ARFGEF3: variants seen among roughly 807,000 people sequenced by gnomAD.
The protein encoded by ARFGEF3 is brefeldin A-inhibited guanine nucleotide-exchange protein 3.
In ARFGEF3, 96 loss-of-function variants were observed where a neutral mutation model predicts 221.7. The observed-to-expected ratio is 0.43, with a 90% confidence interval of 0.37 to 0.51. ARFGEF3 has a LOEUF of 0.51. Ranked by LOEUF, ARFGEF3 falls within the 20% of genes least tolerant of loss-of-function variation. The pLI, the probability that ARFGEF3 is intolerant of heterozygous loss-of-function variation, is 0.00. For missense variants in ARFGEF3, 2,410 were observed against 2,789.9 expected, an observed-to-expected ratio of 0.86 and a Z score of 3.07; for synonymous variants, 1,145 against 1,126.8, an observed-to-expected ratio of 1.02 and a Z score of -0.32.
Position 138,280,114 on chromosome 6 carries a change from A to G in ARFGEF3, c.2411A>G (p.Tyr804Cys), listed in dbSNP as rs1211913328. Reference sequence around the variant, plus strand: ...AGGAACATGCTTGGAGAGGCTGGCTATTGGGGCAGCCCAGAAGATAACAGC... The same window carrying G: ...AGGAACATGCTTGGAGAGGCTGGCTGTTGGGGCAGCCCAGAAGATAACAGC... ...LDRNMLGEAGYWGSPEDNSLP... is the reference protein window; with the variant it reads ...LDRNMLGEAGCWGSPEDNSLP... The change falls in exon 14 of 34, where the codon TAT (tyrosine) becomes TGT (cysteine). Residue 804 changes from tyrosine (Y) to cysteine (C), a missense_variant. Physicochemically the swap from Tyr to Cys is radical, Grantham distance 194 (BLOSUM62 -2). This residue lies in a region of ARFGEF3 where 594 missense variants were observed against 734.3 expected (regional missense o/e 0.81). Transcript: ENST00000251691. 6.2e-7 allele frequency: 1 copy of G among 1,613,856 alleles called. No individual in the cohort carries two copies. The highest frequency in any genetic ancestry group is 2.2e-5 in the East Asian group (1 of 44,884).
rs1053354612 is a variant in ARFGEF3, at chr6:138,336,781, C to T, written c.*295C>T. ...GTATATTTCCCAGTGCTTTTGCTTA[C>T]AGTGTTGTCCCCAAATGGGTCATTT... is the stretch of plus-strand genomic sequence containing the variant. On this transcript the variant is annotated 3_prime_UTR_variant, in exon 34 of 34. Transcript: ENST00000251691. 3.8e-5 allele frequency: 8 copies of T among 211,038 alleles called. No individual in the cohort carries two copies. The highest frequency in any genetic ancestry group is 7.5e-5 in the Non-Finnish European group (8 of 107,336). 13.1% of individuals were successfully genotyped at this position (211,038 alleles called of 1,614,324 possible).
chr6:138,271,240 T>A (rs1204336247), intron 12 of ARFGEF3, among the ~76,000 whole-genome samples: 1 of 152,138 alleles, frequency 6.6e-6, no homozygotes, highest in African/African-American at 2.4e-5. Context: ...TCCTATAGTC[T>A]CAGCACTTTG....
intron 12 of ARFGEF3, among the ~76,000 whole-genome samples, chr6:138,273,622 C>T (rs1455195894): frequency 1.3e-5 from 2 of 152,120 alleles, no homozygotes; most frequent in African/African-American, 2.4e-5. Context: ...GCAAGTAGAG[C>T]GTGGCTAGTG....
At chr6:138,204,501 A>T (rs148432323) in intron 2 of ARFGEF3, among the ~76,000 whole-genome samples, 1 of 152,308 alleles carries the variant, frequency 6.6e-6, no homozygotes, top group Non-Finnish European at 1.5e-5. Flanking sequence ...TTATTAGAAC[A>T]TAGTCACATT....
intron 22 of ARFGEF3, among the ~76,000 whole-genome samples, chr6:138,302,582 A>G (rs190742102): frequency 7.9e-5 from 12 of 152,332 alleles, no homozygotes; most frequent in Non-Finnish European, 1.8e-4. Flanking sequence ...GATATCTACA[A>G]TAGACACGTT....
chr6:138,188,418 T>C (rs1239190583), intron 2 of ARFGEF3, among the ~76,000 whole-genome samples: 1 of 152,204 alleles, frequency 6.6e-6, no homozygotes, highest in African/African-American at 2.4e-5. Flanking sequence ...TGTCTTTTGC[T>C]CTTGAATCAT....
intron 9 of ARFGEF3, among the ~76,000 whole-genome samples, chr6:138,254,435 T>C (rs979933815): frequency 2.7e-5 from 4 of 147,568 alleles, no homozygotes; most frequent in African/African-American, 1.0e-4. Flanking sequence ...AAAAAAAAAT[T>C]AAATAATAAT....
At chr6:138,256,114 A>G (rs1778675066) in intron 10 of ARFGEF3, among the ~76,000 whole-genome samples, 1 of 152,150 alleles carries the variant, frequency 6.6e-6, no homozygotes, top group Admixed American at 6.6e-5. Flanking sequence ...CGCCTTTGCC[A>G]ACATTAGATT....
chr6:138,283,645 G>A (rs1779236033), intron 14 of ARFGEF3, among the ~76,000 whole-genome samples: 1 of 152,152 alleles, frequency 6.6e-6, no homozygotes, highest in Admixed American at 6.5e-5. Context: ...TGTACTAACT[G>A]TGGCCATTCC....
chr6:138,263,506 C>G lies in ARFGEF3; in HGVS notation c.2023C>G (p.Leu675Val). The change falls in exon 12 of 34, where the codon CTG becomes GTG. Residue 675 changes from leucine (L) to valine (V), a missense_variant. Coordinates refer to ENST00000251691, the MANE Select transcript of ARFGEF3 (RefSeq NM_020340.5). ...GGAGGCGGATCAGCACAGCGCCAGG[C>G]TGTTCATACAGTCCCTGGAAGGCCT... ...NQEADQHSARLFIQSLEGLLP... is the reference protein window; with the variant it reads ...NQEADQHSARVFIQSLEGLLP... 1 of 1,613,814 alleles carries G rather than the reference C, an allele frequency of 6.2e-7. No individual in the cohort carries two copies. The highest frequency in any genetic ancestry group is 8.5e-7 in the Non-Finnish European group (1 of 1,179,884).
chr6:138,334,601 C>T lies in ARFGEF3; in HGVS notation c.5755C>T (p.His1919Tyr). Reference protein sequence around the residue: ...MELCNNYIQMHLDLENCMEEP... With the variant: ...MELCNNYIQMYLDLENCMEEP... ...ACTGTGCAACAACTACATCCAGATGCACTTGGACCTGGAGAACTGTATGGA... is the reference window on the plus strand; with the variant it reads ...ACTGTGCAACAACTACATCCAGATGTACTTGGACCTGGAGAACTGTATGGA... Residue 1919 changes from histidine to tyrosine, a missense_variant, in exon 33 of 34, where the codon CAC becomes TAC. His to Tyr is a moderately conservative substitution (Grantham distance 83). Around this residue, in one of 5 missense-constraint regions of ARFGEF3, gnomAD observed 339 missense variants for 334.9 expected, o/e 1.01. Transcript: ENST00000251691. The surrounding 1 kb of genome is among the most constrained non-coding windows in gnomAD (Gnocchi z 5.1). The T allele has an allele frequency of 6.2e-7, 1 of 1,613,740 alleles. No individual in the cohort carries two copies. Among genetic ancestry groups the T allele is most frequent in the Non-Finnish European group, 8.5e-7 (1 of 1,179,898 alleles).
At chr6:138,188,850 G>A (rs2114463566) in intron 2 of ARFGEF3, among the ~76,000 whole-genome samples, 1 of 152,338 alleles carries the variant, frequency 6.6e-6, no homozygotes, top group South Asian at 2.1e-4. Flanking sequence ...AAAGCAGGCA[G>A]CTAGTAAGGA....
At chr6:138,225,854 T>C (rs1778073935) in intron 4 of ARFGEF3, among the ~76,000 whole-genome samples, 1 of 152,246 alleles carries the variant, frequency 6.6e-6, no homozygotes, top group East Asian at 1.9e-4. Context: ...CTACATCAAA[T>C]GAGACTTGTG....
chr6:138,255,569 G>T lies in ARFGEF3; in HGVS notation c.904G>T (p.Gly302Cys). 6.2e-7 allele frequency: 1 copy of T among 1,613,976 alleles called. No homozygotes were observed. Among genetic ancestry groups the T allele is most frequent in the Middle Eastern group, 1.6e-4 (1 of 6,062 alleles). ...TGCGTCTCCGGGAGTGTCTGACCAC[G>T]GCCGAGGATCAGGCTGCTCCTGCAC... The part of the protein sequence containing the change: ...DSASPGVSDH[G>C]RGSGCSCTAP... The change falls in exon 10 of 34, where the codon GGC (glycine) becomes TGC (cysteine). Residue 302 changes from glycine (G) to cysteine (C), a missense_variant. By Grantham distance (159) the Gly-to-Cys change is radical. Around this residue, in one of 5 missense-constraint regions of ARFGEF3, gnomAD observed 570 missense variants for 586.9 expected, o/e 0.97. Transcript: ENST00000251691.
intron 1 of ARFGEF3, among the ~76,000 whole-genome samples, chr6:138,163,005 C>A (rs1039224086): frequency 1.3e-5 from 2 of 152,184 alleles, no homozygotes; most frequent in African/African-American, 2.4e-5. Flanking sequence ...CTTGCTGGAG[C>A]CTGATGTGAT....
In ARFGEF3 at chr6:138,162,223, T is replaced by C; in HGVS notation, c.85+52T>C. On this transcript the variant is annotated intron_variant, in intron 1 of 33. Transcript: ENST00000251691. This position sits in a 1 kb window ranked among gnomAD's most constrained non-coding sequence, Gnocchi z 4.7. ...GGCGGGAGGGCCGCGCGGCCGGGGC[T>C]GAACCCGCGCCTCCGCGCGTGGGGC... 1 of 1,412,898 alleles carries C rather than the reference T, an allele frequency of 7.1e-7. No individual in the cohort carries two copies. Among genetic ancestry groups the C allele is most frequent in the Non-Finnish European group, 9.7e-7 (1 of 1,028,974 alleles). 87.5% of individuals were successfully genotyped at this position (1,412,898 alleles called of 1,614,324 possible).
intron 12 of ARFGEF3, 78 bp from the exon 13 acceptor site, chr6:138,278,373 G>T: frequency 7.7e-7 from 1 of 1,305,966 alleles, no homozygotes; most frequent in Non-Finnish European, 1.1e-6. Flanking sequence ...TCTCACGATG[G>T]GTTCGCAGCT....
At chr6:138,252,448 G>T (rs1483704183) in intron 8 of ARFGEF3, among the ~76,000 whole-genome samples, 2 of 152,146 alleles carry the variant, frequency 1.3e-5, no homozygotes, top group East Asian at 3.8e-4. Context: ...GCACATAAAG[G>T]ACTCCACCCC....
chr6:138,240,908 T>A lies in ARFGEF3; in HGVS notation c.544-2044T>A, dbSNP rs1203203892. On this transcript the variant is annotated intron_variant, in intron 6 of 33. Transcript: ENST00000251691. ...AACACTGAGCATTACCTGGGGAAGA[T>A]GCGTATATTTTCTAGCACGGCCTAT... Among the ~76,000 whole-genome samples the A allele has an allele frequency of 2.0e-5, 3 of 152,090 alleles. No homozygotes were observed. In the East Asian group the frequency reaches 5.8e-4, roughly 29 times the overall value.
Sources: gnomAD v4.1 joint callset for allele counts (sites outside exome capture counted in the v4.1 genomes callset) on GRCh38, gnomAD v4.1.1 for gene constraint, gnomAD v4.1.1 regional missense constraint, Gnocchi (gnomAD v3.1) non-coding constraint, MANE v1.5 for transcripts, NCBI Gene and HGNC (gene_info 2026-07-23, HGNC 2026-07-21) for gene names.